PCDH15: variants seen among roughly 807,000 people sequenced by gnomAD.
PCDH15 encodes the protein protocadherin related 15.
A neutral mutation model predicts 178.5 loss-of-function variants in PCDH15; 129 were observed. That is an observed-to-expected ratio of 0.72 (90% CI 0.63 to 0.84). The LOEUF (loss-of-function observed/expected upper bound fraction) is 0.84, where lower values mean the gene tolerates loss of function less well. Among genes scored for constraint, PCDH15 ranks in the 40% least tolerant of loss-of-function variants. PCDH15 has a pLI of 0.00. For synonymous variants in PCDH15, 800 were observed against 732.0 expected, an observed-to-expected ratio of 1.09 and a Z score of -1.50; for missense variants, 2,230 against 2,099.9, an observed-to-expected ratio of 1.06 and a Z score of -1.21.
intron 3 of PCDH15, among the ~76,000 whole-genome samples, chr10:54,491,034 T>C (rs2079541057): frequency 6.6e-6 from 1 of 152,144 alleles, no homozygotes; most frequent in Admixed American, 6.6e-5. Flanking sequence ...GCAGCAAATG[T>C]GAACTTTAGG....
At chr10:55,052,200 G>A (rs1023984230) in intron 2 of PCDH15, among the ~76,000 whole-genome samples, 7 of 151,060 alleles carry the variant, frequency 4.6e-5, no homozygotes, top group African/African-American at 1.7e-4. Flanking sequence ...CCATTCTCCT[G>A]CCTCAGCCTC....
intron 2 of PCDH15, among the ~76,000 whole-genome samples, chr10:55,444,302 C>T (rs1839267307): frequency 6.8e-6 from 1 of 146,740 alleles, no homozygotes; most frequent in Non-Finnish European, 1.5e-5. Context: ...AAAAAGAAAA[C>T]AAGAGTGCTA....
chr10:55,158,504 G>A (rs963922491), intron 2 of PCDH15, among the ~76,000 whole-genome samples: 6 of 152,008 alleles, frequency 3.9e-5, no homozygotes, highest in Admixed American at 2.6e-4. Flanking sequence ...TTCCAAGACA[G>A]AAGTGCCTCC....
chr10:54,990,539 A>G (rs1446690875), intron 2 of PCDH15, among the ~76,000 whole-genome samples: 1 of 152,182 alleles, frequency 6.6e-6, no homozygotes, highest in Non-Finnish European at 1.5e-5. Context: ...AATTTCATTG[A>G]AATTGGTTAC....
chr10:54,870,710 C>T (rs952078163), intron 3 of PCDH15, among the ~76,000 whole-genome samples: 2 of 151,700 alleles, frequency 1.3e-5, no homozygotes, highest in Admixed American at 6.6e-5. Context: ...GGCGTGAACC[C>T]GGGAGGCGGA....
chr10:54,262,138 C>T (rs964008409), intron 8 of PCDH15, among the ~76,000 whole-genome samples: 9 of 152,100 alleles, frequency 5.9e-5, no homozygotes, highest in African/African-American at 7.2e-5. Context: ...AGAGCTGCCT[C>T]GAGCACATGC....
At chr10:54,211,557 T>A (rs937919109) in intron 10 of PCDH15, among the ~76,000 whole-genome samples, 20 of 152,026 alleles carry the variant, frequency 1.3e-4, no homozygotes, top group Admixed American at 1.3e-4. Flanking sequence ...AAAATGAACA[T>A]GAGAAATCTC....
intron 2 of PCDH15, among the ~76,000 whole-genome samples, chr10:55,359,390 T>A (rs1177507872): frequency 6.6e-6 from 1 of 151,914 alleles, no homozygotes; most frequent in African/African-American, 2.4e-5. Flanking sequence ...CTTAAGACAG[T>A]TATGTTTTTG....
intron 3 of PCDH15, among the ~76,000 whole-genome samples, chr10:54,472,601 G>A (rs954167113): frequency 7.2e-5 from 11 of 152,022 alleles, no homozygotes; most frequent in African/African-American, 2.4e-4. Context: ...CCTCAAGAAC[G>A]TCATGATCTG....
intron 3 of PCDH15, among the ~76,000 whole-genome samples, chr10:54,813,859 T>A (rs1952905861): frequency 6.6e-6 from 1 of 152,228 alleles, no homozygotes. Flanking sequence ...TTTCAATATC[T>A]AGTTTTATCT....
intron 11 of PCDH15, among the ~76,000 whole-genome samples, chr10:54,193,322 C>G (rs547746395): frequency 6.6e-6 from 1 of 152,218 alleles, no homozygotes; most frequent in East Asian, 1.9e-4. Flanking sequence ...ATAATATGAA[C>G]ACACTGAGAA....
chr10:54,575,455 G>T (rs1301493220), intron 2 of PCDH15, among the ~76,000 whole-genome samples: 1 of 151,962 alleles, frequency 6.6e-6, no homozygotes, highest in Non-Finnish European at 1.5e-5. Context: ...TCAATATTTG[G>T]TTATAATTTT....
intron 2 of PCDH15, among the ~76,000 whole-genome samples, chr10:55,147,787 T>C (rs1457950553): frequency 6.7e-6 from 1 of 149,684 alleles, no homozygotes; most frequent in Non-Finnish European, 1.5e-5. Context: ...GCATTAGGTA[T>C]ATCTCCTCTT....
At chr10:54,448,364 T>C (rs1001198797) in intron 3 of PCDH15, among the ~76,000 whole-genome samples, 1 of 151,720 alleles carries the variant, frequency 6.6e-6, no homozygotes, top group African/African-American at 2.4e-5. Flanking sequence ...CCATTAATCA[T>C]TCCTTAGATG....
intron 18 of PCDH15, among the ~76,000 whole-genome samples, chr10:54,043,547 C>T (rs1026636222): frequency 6.6e-6 from 1 of 151,738 alleles, no homozygotes; most frequent in Non-Finnish European, 1.5e-5. Flanking sequence ...ACCAACATGC[C>T]TGGCTAATTT....
rs192381129 is a variant in PCDH15, at chr10:54,574,397, G to C, written c.92-46520C>G. ...TCCATTGATCTATATCTCTGTTTTG[G>C]TACCGGTACCATGCTGTTTTGGTTA... On this transcript the variant is annotated intron_variant, in intron 2 of 37. Transcript: ENST00000644397. 1.8e-3 allele frequency among the ~76,000 whole-genome samples: 278 copies of C among 151,636 alleles called. 1 individual carries two copies. Among genetic ancestry groups the C allele is most frequent in the African/African-American group, 6.6e-3 (273 of 41,338 alleles).
intron 21 of PCDH15, among the ~76,000 whole-genome samples, chr10:53,968,325 G>C (rs1410901238): frequency 6.6e-6 from 1 of 152,172 alleles, no homozygotes; most frequent in African/African-American, 2.4e-5. Context: ...CCATTGCTGA[G>C]GCTTGAGTAG....
intron 2 of PCDH15, among the ~76,000 whole-genome samples, chr10:54,933,759 C>T (rs1427734324): frequency 6.6e-6 from 1 of 151,970 alleles, no homozygotes; most frequent in Non-Finnish European, 1.5e-5. Flanking sequence ...ATTCCATGTG[C>T]AAACTTTATC....
intron 2 of PCDH15, among the ~76,000 whole-genome samples, chr10:54,598,713 T>C (rs1401243039): frequency 2.0e-5 from 3 of 152,258 alleles, no homozygotes; most frequent in South Asian, 4.1e-4. Context: ...AATGATTCTA[T>C]ATCTAGAAAA....
Sources: gnomAD v4.1 joint callset for allele counts (sites outside exome capture counted in the v4.1 genomes callset) on GRCh38, gnomAD v4.1.1 for gene constraint, MANE v1.5 for transcripts, NCBI Gene and HGNC (gene_info 2026-07-23, HGNC 2026-07-21) for gene names.